The following B3GALT1 variants were observed in gnomAD, a reference collection of about 807,000 sequenced individuals.
B3GALT1 encodes beta-1,3-galactosyltransferase 1.
A neutral mutation model predicts 23.2 loss-of-function variants in B3GALT1; 10 were observed. The ratio of observed to expected loss-of-function variants is 0.43; its 90% CI spans 0.27 to 0.73. B3GALT1 has a LOEUF of 0.73. Among genes scored for constraint, B3GALT1 ranks in the 30% least tolerant of loss-of-function variants. The pLI is 0.21. For missense variants in B3GALT1, 299 were observed against 405.4 expected (o/e 0.74, Z 2.25); for synonymous variants, 156 against 141.5 (o/e 1.10, Z -0.73).
At chr2:167,478,976 A>G (rs980634770) in intron 1 of B3GALT1, among the ~76,000 whole-genome samples, 1 of 152,132 alleles carries the variant, frequency 6.6e-6, no homozygotes, top group African/African-American at 2.4e-5. Context: ...GGGCAGGAGA[A>G]TGGTGTGATC....
chr2:167,688,856 A>G (rs1686660165), intron 3 of B3GALT1, among the ~76,000 whole-genome samples: 1 of 152,156 alleles, frequency 6.6e-6, no homozygotes, highest in South Asian at 2.1e-4. Flanking sequence ...ATAACACTGT[A>G]GTCAGCATCC....
intron 2 of B3GALT1, among the ~76,000 whole-genome samples, chr2:167,622,054 T>C (rs1370650857): frequency 6.6e-6 from 1 of 152,154 alleles, no homozygotes; most frequent in East Asian, 1.9e-4. Context: ...AAACATATTA[T>C]ATCATACACA....
At chr2:167,604,185 T>C (rs760482715) in intron 2 of B3GALT1, among the ~76,000 whole-genome samples, 38 of 152,180 alleles carry the variant, frequency 2.5e-4, no homozygotes, top group Non-Finnish European at 5.0e-4. Context: ...GTGGCCTCTT[T>C]GGGTAAAGGA....
At chr2:167,588,758 G>A (rs569105751) in intron 2 of B3GALT1, among the ~76,000 whole-genome samples, 96 of 150,988 alleles carry the variant, frequency 6.4e-4, no homozygotes, top group African/African-American at 2.2e-3. Context: ...GTCTATATAC[G>A]TATATCCAAA....
chr2:167,606,328 A>G (rs988667594), intron 2 of B3GALT1, among the ~76,000 whole-genome samples: 1 of 152,228 alleles, frequency 6.6e-6, no homozygotes, highest in African/African-American at 2.4e-5. Context: ...CTATTATCAC[A>G]ACTAAATTTA....
chr2:167,610,044 CA>C (rs770736303), intron 2 of B3GALT1, among the ~76,000 whole-genome samples: 11 of 151,466 alleles, frequency 7.3e-5, no homozygotes, highest in African/African-American at 2.2e-4. Flanking sequence ...TAAACTTTTG[CA>C]AAAAAAATAT....
intron 3 of B3GALT1, among the ~76,000 whole-genome samples, chr2:167,813,059 T>C (rs986836728): frequency 6.7e-6 from 1 of 149,138 alleles, no homozygotes; most frequent in Non-Finnish European, 1.5e-5. Context: ...TACTTTATTA[T>C]CTGGATGATA....
chr2:167,666,161 G>C (rs13406761), intron 3 of B3GALT1, among the ~76,000 whole-genome samples: 2 of 151,998 alleles, frequency 1.3e-5, no homozygotes, highest in Non-Finnish European at 2.9e-5. Context: ...CTTTGTTCTC[G>C]TTCGTTTCAA....
At chr2:167,387,789 G>C (rs1393934848) in intron 1 of B3GALT1, among the ~76,000 whole-genome samples, 1 of 152,060 alleles carries the variant, frequency 6.6e-6, no homozygotes, top group Middle Eastern at 3.2e-3. Flanking sequence ...AAAATAGTTA[G>C]TGTTAATCTC....
At chr2:167,718,121 G>A (rs571955684) in intron 3 of B3GALT1, among the ~76,000 whole-genome samples, 6 of 152,140 alleles carry the variant, frequency 3.9e-5, no homozygotes, top group Non-Finnish European at 5.9e-5. Context: ...CACAAGAGGG[G>A]AGAACAGAAA....
At chr2:167,704,959 A>AT (rs1686946171) in intron 3 of B3GALT1, among the ~76,000 whole-genome samples, 1 of 152,176 alleles carries the variant, frequency 6.6e-6, no homozygotes, top group South Asian at 2.1e-4. Flanking sequence ...AAAGTTTGGG[A>AT]TAGGTGTGAT....
At chr2:167,416,224 G>A (rs778903156) in intron 1 of B3GALT1, among the ~76,000 whole-genome samples, 3 of 152,140 alleles carry the variant, frequency 2.0e-5, no homozygotes, top group Non-Finnish European at 2.9e-5. Context: ...GTGGCTTTGG[G>A]GACAGACTCA....
chr2:167,303,682 C>CACACACAGAGAG lies in B3GALT1; in HGVS notation c.-511+10349_-511+10350insCACACAGAGAGA, dbSNP rs535369991. Among the ~76,000 whole-genome samples, 486 of 148,794 alleles carry CACACACAGAGAG rather than the reference C, an allele frequency of 3.3e-3. 2 individuals are homozygous for CACACACAGAGAG. Among genetic ancestry groups the CACACACAGAGAG allele is most frequent in the South Asian group, 0.013 (61 of 4,548 alleles). ...ACACACACACACACACACACACACA[C>CACACACAGAGAG]AGAGAGAGACCTTGTTGCTGCCATT... On this transcript the variant is annotated intron_variant, in intron 1 of 4. Coordinates refer to ENST00000392690, the MANE Select transcript of B3GALT1 (RefSeq NM_020981.4).
chr2:167,564,636 G>A (rs369541959), intron 2 of B3GALT1, among the ~76,000 whole-genome samples: 65 of 152,234 alleles, frequency 4.3e-4, no homozygotes, highest in Middle Eastern at 3.4e-3. Context: ...CGAGGCCGGC[G>A]GATCACTCGT....
At chr2:167,492,877 A>ATGTGTGTG (rs61117741) in intron 2 of B3GALT1, among the ~76,000 whole-genome samples, 1,816 of 149,184 alleles carry the variant, frequency 0.012, 32 homozygotes, top group African/African-American at 0.041. Flanking sequence ...GTATTTAGAG[A>ATGTGTGTG]TGTGTGTGTG....
At chr2:167,601,113 G>A (rs139022276) in intron 2 of B3GALT1, among the ~76,000 whole-genome samples, 5 of 152,192 alleles carry the variant, frequency 3.3e-5, no homozygotes, top group Non-Finnish European at 7.3e-5. Context: ...AGACTGGAGT[G>A]CAGTGGTGCA....
At chr2:167,447,098 C>T (rs10208420) in intron 1 of B3GALT1, among the ~76,000 whole-genome samples, 1,765 of 152,332 alleles carry the variant, frequency 0.012, 14 homozygotes, top group Non-Finnish European at 0.02. Context: ...CCATCAGCTA[C>T]AGGTCTGTTG....
intron 1 of B3GALT1, among the ~76,000 whole-genome samples, chr2:167,314,238 G>A (rs1210974177): frequency 6.6e-6 from 1 of 152,102 alleles, no homozygotes; most frequent in Non-Finnish European, 1.5e-5. Flanking sequence ...AGCTGCTGGG[G>A]AATGGAAGAG....
At chr2:167,396,270 T>G (rs1698093568) in intron 1 of B3GALT1, among the ~76,000 whole-genome samples, 1 of 152,240 alleles carries the variant, frequency 6.6e-6, no homozygotes, top group African/African-American at 2.4e-5. Flanking sequence ...AAAAGTTTTT[T>G]CATCTTAAGT....
Sources: allele counts gnomAD v4.1 joint callset (sites outside exome capture counted in the v4.1 genomes callset), GRCh38; gene constraint gnomAD v4.1.1; transcripts MANE v1.5; gene names NCBI Gene and HGNC (gene_info 2026-07-23, HGNC 2026-07-21).